KLHL6: variants seen among roughly 807,000 people sequenced by gnomAD.
The protein encoded by KLHL6 is kelch like family member 6.
KLHL6 carries 41 observed loss-of-function variants against 58.6 expected under a neutral mutation model. That is an observed-to-expected ratio of 0.70 (90% CI 0.55 to 0.91). KLHL6 has a LOEUF of 0.91. KLHL6 is among the 40% of genes least tolerant of loss of function. The probability of loss-of-function intolerance (pLI) is 0.00; values close to 1 mark genes in which losing one functional copy is unlikely to be tolerated. For missense variants in KLHL6, 714 were observed against 805.6 expected, an observed-to-expected ratio of 0.89 and a Z score of 1.38; for synonymous variants, 338 against 322.7, an observed-to-expected ratio of 1.05 and a Z score of -0.51.
chr3:183,535,919 G>T (rs918688495), intron 1 of KLHL6, among the ~76,000 whole-genome samples: 1 of 152,190 alleles, frequency 6.6e-6, no homozygotes, highest in Non-Finnish European at 1.5e-5. Context: ...AGGGCTACAG[G>T]CGCCCGCCAC....
At chr3:183,515,315 A>G (rs1211909228) in intron 2 of KLHL6, among the ~76,000 whole-genome samples, 8 of 152,196 alleles carry the variant, frequency 5.3e-5, no homozygotes, top group Non-Finnish European at 8.8e-5. Context: ...TGGGAGGCCA[A>G]GGTAGGAGAA....
intron 1 of KLHL6, among the ~76,000 whole-genome samples, chr3:183,545,525 T>G (rs181118724): frequency 1.4e-3 from 214 of 152,324 alleles, no homozygotes; most frequent in African/African-American, 5.0e-3. Context: ...AAGAATAGAT[T>G]TTCTAATCTT....
chr3:183,555,500 C>A lies in KLHL6; in HGVS notation c.154G>T (p.Ala52Ser), dbSNP rs375261661. ...LNGEKVKFDDAGLSLILQNGL... is the reference protein window; with the variant it reads ...LNGEKVKFDDSGLSLILQNGL... The stretch of plus-strand genomic sequence containing the variant: ...TTCTGAAGAATTAAGGAGAGTCCCG[C>A]GTCGTCAAATTTGACCTTTTCCCCA... The change falls in exon 1 of 7, where the codon GCG (alanine) becomes TCG (serine). Residue 52 changes from alanine (A) to serine (S), a missense_variant. Coordinates refer to ENST00000341319, the MANE Select transcript of KLHL6 (RefSeq NM_130446.4). 1.2e-6 allele frequency: 2 copies of A among 1,614,126 alleles called. No homozygotes were observed. Among genetic ancestry groups the A allele is most frequent in the Non-Finnish European group, 1.7e-6 (2 of 1,180,014 alleles).
rs931445161 is a variant in KLHL6 at position 183,550,849 on chromosome 3, A to G, written c.293+4512T>C. On this transcript the variant is annotated intron_variant, in intron 1 of 6. Coordinates refer to ENST00000341319, the MANE Select transcript of KLHL6 (RefSeq NM_130446.4). ...AATTTACTTCCTATGGGCTGGGCGC[A>G]GTGGCTCACGCCTGTAATCCCAGCA... is the stretch of plus-strand genomic sequence containing the variant. Among the ~76,000 whole-genome samples, 59 of 150,450 alleles carry G rather than the reference A, an allele frequency of 3.9e-4. 1 individual carries two copies. The highest frequency in any genetic ancestry group is 1.6e-4 in the Non-Finnish European group (11 of 67,626).
At chr3:183,512,930 C>T (rs559592348) in intron 2 of KLHL6, among the ~76,000 whole-genome samples, 1 of 152,156 alleles carries the variant, frequency 6.6e-6, no homozygotes, top group Non-Finnish European at 1.5e-5. Context: ...TTCACCACTT[C>T]CTATCCTCTC....
chr3:183,492,098 CCCG>C lies in KLHL6; in HGVS notation c.1692_1694del (p.Gly565del). On this transcript the variant is annotated inframe_deletion, in exon 7 of 7. Transcript: ENST00000341319. The surrounding 1 kb of genome is among the most constrained non-coding windows in gnomAD (Gnocchi z 5.9). ...CGATAACCTCGTTCTTCTCGTCCCG[CCCG>C]CCGGTGATGTAGAGCCGGTTGTTGC... is the stretch of plus-strand genomic sequence containing the variant. 3 of 1,613,894 alleles carry C rather than the reference CCCG, an allele frequency of 1.9e-6. No homozygotes were observed. The highest frequency in any genetic ancestry group is 1.7e-6 in the Non-Finnish European group (2 of 1,180,026).
chr3:183,541,632 G>A (rs967098873), intron 1 of KLHL6, among the ~76,000 whole-genome samples: 2 of 152,142 alleles, frequency 1.3e-5, no homozygotes, highest in Non-Finnish European at 2.9e-5. Flanking sequence ...TTGGGGCCAC[G>A]AGTTCAAGTC....
At chr3:183,542,435 G>C (rs968405526) in intron 1 of KLHL6, among the ~76,000 whole-genome samples, 1 of 152,068 alleles carries the variant, frequency 6.6e-6, no homozygotes, top group Non-Finnish European at 1.5e-5. Flanking sequence ...TACACTGCGT[G>C]GCACCTTCCC....
At chr3:183,525,265 A>ACACACACACACAC (rs1553811014) in intron 2 of KLHL6, among the ~76,000 whole-genome samples, 160 of 52,648 alleles carry the variant, frequency 3.0e-3, no homozygotes, top group African/African-American at 7.2e-3. Flanking sequence ...CTCTCTAAAA[A>ACACACACACACAC]AAAAACACAC....
chr3:183,544,163 CA>C (rs56357226), intron 1 of KLHL6, among the ~76,000 whole-genome samples: 15,078 of 57,450 alleles, frequency 0.26, 219 homozygotes, highest in Non-Finnish European at 0.31. Context: ...AACTCAGTCT[CA>C]AAAAAAAAAA....
At chr3:183,546,754 T>A (rs2108697320) in intron 1 of KLHL6, among the ~76,000 whole-genome samples, 1 of 152,338 alleles carries the variant, frequency 6.6e-6, no homozygotes, top group African/African-American at 2.4e-5. Flanking sequence ...CATTTTACTA[T>A]TCGCGTTTCA....
Position 183,517,691 on chromosome 3 carries a change from C to T in KLHL6, c.460-9183G>A, listed in dbSNP as rs75458979. Among the ~76,000 whole-genome samples the T allele has an allele frequency of 4.2e-3, 639 of 152,268 alleles. 3 individuals are homozygous for T. The highest frequency in any genetic ancestry group is 0.015 in the African/African-American group (618 of 41,534). On this transcript the variant is annotated intron_variant, in intron 2 of 6. Coordinates refer to ENST00000341319, the MANE Select transcript of KLHL6 (RefSeq NM_130446.4). ...ACAGCCCCTGAGTTTCCAGAGAAGA[C>T]GGTGGTGGCCCCAGCAGGCTAGCAG...
chr3:183,548,530 G>A (rs1712801939), intron 1 of KLHL6, among the ~76,000 whole-genome samples: 1 of 152,196 alleles, frequency 6.6e-6, no homozygotes. Flanking sequence ...GGTTCCTTGA[G>A]GCTATGTTGA....
intron 1 of KLHL6, among the ~76,000 whole-genome samples, chr3:183,536,760 A>G (rs1282702478): frequency 1.3e-5 from 2 of 152,184 alleles, no homozygotes; most frequent in African/African-American, 4.8e-5. Flanking sequence ...GGGTAAGTGG[A>G]CCAAGCACCA....
In KLHL6 at chr3:183,499,040, T is replaced by A. The variant is rs1717790784; in HGVS notation, c.1147+550A>T. 6.6e-6 allele frequency among the ~76,000 whole-genome samples: 1 copy of A among 152,224 alleles called. No homozygotes were observed. Among genetic ancestry groups the A allele is most frequent in the Admixed American group, 6.5e-5 (1 of 15,290 alleles). Reference sequence around the variant, plus strand: ...ACTTGTCTGCCTCCTCCCCAGGTTTTCTATTAATAGTACAACGCTGGCCGG... The same window carrying A: ...ACTTGTCTGCCTCCTCCCCAGGTTTACTATTAATAGTACAACGCTGGCCGG... On this transcript the variant is annotated intron_variant, in intron 4 of 6. Transcript: ENST00000341319. The surrounding 1 kb of genome is among the most constrained non-coding windows in gnomAD (Gnocchi z 4.6).
intron 1 of KLHL6, 110 bp downstream of exon 1, chr3:183,555,251 T>C (rs80130012): frequency 1.0e-4 from 81 of 797,104 alleles, no homozygotes; most frequent in Non-Finnish European, 1.5e-4. Flanking sequence ...CCTTAATATA[T>C]ATGTAAACCA....
At chr3:183,528,110 G>T in intron 1 of KLHL6, 100 bp from the exon 2 acceptor site, 1 of 1,338,586 alleles carries the variant, frequency 7.5e-7, no homozygotes, top group Non-Finnish European at 1.0e-6. Flanking sequence ...AGAACAGGGG[G>T]TTTCCCAAGG....
intron 2 of KLHL6, among the ~76,000 whole-genome samples, chr3:183,509,596 G>A (rs924026994): frequency 2.0e-5 from 3 of 152,158 alleles, no homozygotes; most frequent in East Asian, 1.9e-4. Context: ...TGTTCTTCAC[G>A]GGGCTCTTCA....
chr3:183,543,045 C>A (rs1712605387), intron 1 of KLHL6, among the ~76,000 whole-genome samples: 1 of 152,196 alleles, frequency 6.6e-6, no homozygotes, highest in Non-Finnish European at 1.5e-5. Context: ...GTAATCCCAG[C>A]ACTTTGGGAG....
Sources: allele counts gnomAD v4.1 joint callset (sites outside exome capture counted in the v4.1 genomes callset), GRCh38; gene constraint gnomAD v4.1.1; non-coding constraint Gnocchi (gnomAD v3.1); transcripts MANE v1.5; gene names NCBI Gene and HGNC (gene_info 2026-07-23, HGNC 2026-07-21).